Variants in FGGY observed in about 807,000 individuals in gnomAD.
FGGY encodes the protein FGGY carbohydrate kinase domain containing.
In FGGY, 72 loss-of-function variants were observed where a neutral mutation model predicts 71.3. The observed-to-expected ratio is 1.01, with a 90% CI of 0.84 to 1.23. The LOEUF is 1.23. Ranked by LOEUF, FGGY falls within the 50% of genes most tolerant of loss-of-function variation. The pLI is 0.00. For missense variants in FGGY, 668 were observed against 682.3 expected, an observed-to-expected ratio of 0.98 and a Z score of 0.23; for synonymous variants, 251 against 250.3, an observed-to-expected ratio of 1.00 and a Z score of -0.02.
At chr1:59,637,886 T>A (rs2096977597) in intron 10 of FGGY, among the ~76,000 whole-genome samples, 1 of 152,230 alleles carries the variant, frequency 6.6e-6, no homozygotes, top group South Asian at 2.1e-4. Flanking sequence ...ATCTTCACAA[T>A]AACCCTATGA....
intron 5 of FGGY, among the ~76,000 whole-genome samples, chr1:59,388,320 A>G (rs2060311422): frequency 6.6e-6 from 1 of 152,122 alleles, no homozygotes; most frequent in African/African-American, 2.4e-5. Context: ...CTTTTCTTTA[A>G]CACAGTGACC....
chr1:59,497,969 T>C (rs2094099773), intron 6 of FGGY, among the ~76,000 whole-genome samples: 1 of 152,166 alleles, frequency 6.6e-6, no homozygotes, highest in Non-Finnish European at 1.5e-5. Flanking sequence ...TACATTTCCC[T>C]GAAAGAGCAT....
chr1:59,440,302 C>T lies in FGGY; in HGVS notation c.555-16659C>T, dbSNP rs181083873. Among the ~76,000 whole-genome samples, 538 of 152,230 alleles carry T rather than the reference C, an allele frequency of 3.5e-3. 4 individuals carry two copies. The highest frequency in any genetic ancestry group is 0.012 in the African/African-American group (499 of 41,554). On this transcript the variant is annotated intron_variant, in intron 5 of 15. Coordinates refer to ENST00000303721, the MANE Select transcript of FGGY (RefSeq NM_018291.5). ...CATATTTAAGAAACCCCACAAAGCT[C>T]CTTCTTGCAAATTAAAGAGGATAGC...
chr1:59,397,583 T>C (rs2061471611), intron 5 of FGGY, among the ~76,000 whole-genome samples: 1 of 135,500 alleles, frequency 7.4e-6, no homozygotes, highest in Admixed American at 6.9e-5. Flanking sequence ...TGAGGAAGGC[T>C]TTTTTTTGCA....
chr1:59,432,259 G>A (rs920193535), intron 5 of FGGY, among the ~76,000 whole-genome samples: 19 of 152,014 alleles, frequency 1.2e-4, no homozygotes, highest in African/African-American at 2.4e-5. Context: ...ATTTGTATTT[G>A]TATTCTTTAT....
chr1:59,627,454 T>TTACATATATA (rs2096867495), intron 10 of FGGY, among the ~76,000 whole-genome samples: 2 of 97,334 alleles, frequency 2.1e-5, no homozygotes, highest in Non-Finnish European at 4.1e-5. Context: ...ACTTATGATT[T>TTACATATATA]TATATATATA....
Position 59,684,090 on chromosome 1 carries a change from A to T in FGGY, c.1512+9957A>T, listed in dbSNP as rs540304841. Among the ~76,000 whole-genome samples, 199 of 152,240 alleles carry T rather than the reference A, an allele frequency of 1.3e-3. 1 individual carries two copies. The highest frequency in any genetic ancestry group is 2.4e-3 in the Non-Finnish European group (164 of 68,044). On this transcript the variant is annotated intron_variant, in intron 14 of 15. Coordinates refer to ENST00000303721, the MANE Select transcript of FGGY (RefSeq NM_018291.5). ...CCAAGGCTCATCAGCACAAGCCTGC[A>T]TGTGACGGGAACAGCCTTAGACAGT...
At chr1:59,561,310 T>C (rs2095790362) in intron 8 of FGGY, among the ~76,000 whole-genome samples, 1 of 152,122 alleles carries the variant, frequency 6.6e-6, no homozygotes, top group Admixed American at 6.6e-5. Context: ...GTCAGCCCTC[T>C]AGGAACCAGC....
At chr1:59,589,788 G>C (rs12080494) in intron 8 of FGGY, among the ~76,000 whole-genome samples, 31,074 of 151,928 alleles carry the variant, frequency 0.2, 4,264 homozygotes, top group African/African-American at 0.38. Flanking sequence ...ATTCAAAGCA[G>C]TGTGTAGAGG....
intron 6 of FGGY, among the ~76,000 whole-genome samples, chr1:59,467,798 T>C (rs765227332): frequency 3.3e-5 from 5 of 152,224 alleles, no homozygotes; most frequent in African/African-American, 4.8e-5. Flanking sequence ...TAGATACTGA[T>C]GAAATATTCA....
chr1:59,713,902 A>G (rs924066354), intron 14 of FGGY, among the ~76,000 whole-genome samples: 12 of 152,336 alleles, frequency 7.9e-5, no homozygotes, highest in African/African-American at 2.6e-4. Context: ...GGAAGTCTAA[A>G]ACATCTGGTA....
At chr1:59,731,325 C>T (rs17119747) in intron 14 of FGGY, among the ~76,000 whole-genome samples, 4,641 of 152,260 alleles carry the variant, frequency 0.03, 96 homozygotes, top group East Asian at 0.086. Flanking sequence ...GTGAGGCAGA[C>T]TTTCCCGGAA....
chr1:59,533,017 A>G (rs1470990138), intron 7 of FGGY, among the ~76,000 whole-genome samples: 2 of 152,246 alleles, frequency 1.3e-5, no homozygotes, highest in Non-Finnish European at 2.9e-5. Context: ...AGATGGCCGA[A>G]TAGGAACAGC....
At chr1:59,611,746 C>A (rs1488585434) in intron 9 of FGGY, among the ~76,000 whole-genome samples, 3 of 152,030 alleles carry the variant, frequency 2.0e-5, no homozygotes, top group East Asian at 3.9e-4. Context: ...AGTTAAAAAC[C>A]TTGAAAAAAG....
intron 5 of FGGY, among the ~76,000 whole-genome samples, chr1:59,428,935 G>T (rs1475965975): frequency 6.6e-6 from 1 of 152,128 alleles, no homozygotes; most frequent in Admixed American, 6.6e-5. Flanking sequence ...GAAAATCCTG[G>T]TCCTTACCCG....
intron 6 of FGGY, among the ~76,000 whole-genome samples, chr1:59,471,363 TAC>T (rs1450687932): frequency 6.6e-6 from 1 of 152,168 alleles, no homozygotes; most frequent in Non-Finnish European, 1.5e-5. Flanking sequence ...CTTCATAAAT[TAC>T]ACAGTCTCAG....
At chr1:59,615,820 T>G (rs2096746500) in intron 9 of FGGY, among the ~76,000 whole-genome samples, 1 of 151,952 alleles carries the variant, frequency 6.6e-6, no homozygotes, top group South Asian at 2.1e-4. Flanking sequence ...AACAACCCCA[T>G]CAGCAAGTGG....
Position 59,336,081 on chromosome 1 carries a change from G to A in FGGY, c.202-3877G>A, listed in dbSNP as rs987251043. Reference sequence around the variant, plus strand: ...TCATCTAATGCAAGGTTGCAACAATGTTCTCCTGTTTTCTTCTACACATTT... The same window carrying A: ...TCATCTAATGCAAGGTTGCAACAATATTCTCCTGTTTTCTTCTACACATTT... On this transcript the variant is annotated intron_variant, in intron 2 of 15. Transcript: ENST00000303721. Among the ~76,000 whole-genome samples, 5 of 152,196 alleles carry A rather than the reference G, an allele frequency of 3.3e-5. No individual in the cohort carries two copies. The East Asian group carries it at 9.6e-4, about 29-fold the overall frequency.
At chr1:59,734,268 A>G (rs59536217) in intron 14 of FGGY, among the ~76,000 whole-genome samples, 1,899 of 152,304 alleles carry the variant, frequency 0.012, 47 homozygotes, top group African/African-American at 0.043. Context: ...CAGTGGTACC[A>G]TAACAGCTCA....
Sources: allele counts gnomAD v4.1 joint callset (sites outside exome capture counted in the v4.1 genomes callset), GRCh38; gene constraint gnomAD v4.1.1; transcripts MANE v1.5; gene names NCBI Gene and HGNC (gene_info 2026-07-23, HGNC 2026-07-21).